Variants in ANK3 observed in about 807,000 individuals in gnomAD.
ANK3 encodes ankyrin-3.
In ANK3, 57 loss-of-function variants were observed where a neutral mutation model predicts 370.9. That is an observed-to-expected ratio of 0.15 (90% confidence interval 0.12 to 0.19). ANK3 has a LOEUF of 0.19. Ranked by LOEUF, ANK3 falls within the 10% of genes least tolerant of loss-of-function variation. The pLI is 1.00. For synonymous variants in ANK3, 1,929 were observed against 1,946.3 expected (o/e 0.99, Z 0.23); for missense variants, 4,439 against 5,302.1 (o/e 0.84, Z 5.06).
chr10:60,715,537 A>C (rs1264354437), intron 1 of ANK3, among the ~76,000 whole-genome samples: 1 of 152,200 alleles, frequency 6.6e-6, no homozygotes, highest in East Asian at 1.9e-4. Flanking sequence ...GAATATACAA[A>C]GAGAACAATT....
intron 1 of ANK3, among the ~76,000 whole-genome samples, chr10:60,696,477 G>A (rs1021827926): frequency 5.3e-5 from 8 of 151,464 alleles, no homozygotes; most frequent in African/African-American, 1.7e-4. Flanking sequence ...CAATATCCTT[G>A]ATGAACATTG....
chr10:60,480,481 T>C (rs968274376), intron 2 of ANK3, among the ~76,000 whole-genome samples: 1 of 151,872 alleles, frequency 6.6e-6, no homozygotes, highest in African/African-American at 2.4e-5. Flanking sequence ...GAAAAAGGGA[T>C]GTGAAAGCTA....
intron 2 of ANK3, among the ~76,000 whole-genome samples, chr10:60,598,636 A>G (rs2078020237): frequency 1.3e-5 from 2 of 152,172 alleles, no homozygotes; most frequent in East Asian, 1.9e-4. Flanking sequence ...GCTTTGTAAA[A>G]CCCTTTATCA....
Position 60,709,933 on chromosome 10 carries a change from C to T in ANK3, c.57+23330G>A, listed in dbSNP as rs534205656. Among the ~76,000 whole-genome samples, 12 of 152,166 alleles carry T rather than the reference C, an allele frequency of 7.9e-5. No individual in the cohort carries two copies. In the East Asian group the frequency reaches 2.1e-3, roughly 27 times the overall value. ...ATCATAGGTTTACAACATCTGTTTA[C>T]AAGATGAATCATCTGTCTGAAATGA... On this transcript the variant is annotated intron_variant, in intron 1 of 43. Transcript: ENST00000373827.
At chr10:60,732,313 T>C (rs951136079) in intron 1 of ANK3, among the ~76,000 whole-genome samples, 1 of 152,168 alleles carries the variant, frequency 6.6e-6, no homozygotes, top group Non-Finnish European at 1.5e-5. Flanking sequence ...CCCTAGCCAT[T>C]CTATGCAAAT....
At chr10:60,227,077 G>A (rs143427986) in intron 8 of ANK3, among the ~76,000 whole-genome samples, 7 of 151,482 alleles carry the variant, frequency 4.6e-5, no homozygotes, top group East Asian at 1.9e-4. Context: ...ATTTTAGTTC[G>A]TCTGGGCCTG....
intron 1 of ANK3, among the ~76,000 whole-genome samples, chr10:60,634,461 GGACCAATCGGCACTCTGTAAAACA>G: frequency 6.6e-6 from 1 of 152,168 alleles, no homozygotes; most frequent in South Asian, 2.1e-4. Flanking sequence ...GATTGTAAAC[GGACCAATCGGCACTCTGTAAAACA>G]GACCAATCAG....
At chr10:60,412,757 G>A (rs1268185071) in intron 2 of ANK3, among the ~76,000 whole-genome samples, 4 of 151,952 alleles carry the variant, frequency 2.6e-5, no homozygotes, top group Non-Finnish European at 5.9e-5. Flanking sequence ...AGCACAGAGA[G>A]AATGTGCAAC....
chr10:60,421,126 T>C (rs1359224233), intron 2 of ANK3, among the ~76,000 whole-genome samples: 2 of 152,034 alleles, frequency 1.3e-5, no homozygotes, highest in African/African-American at 2.4e-5. Flanking sequence ...ATAAAATACC[T>C]AGACTAGGCA....
Position 60,664,184 on chromosome 10 carries a change from T to A in ANK3, c.58-48960A>T, listed in dbSNP as rs1444904350. Among the ~76,000 whole-genome samples the A allele has an allele frequency of 2.6e-5, 4 of 152,230 alleles. No homozygotes were observed. In the East Asian group the frequency reaches 5.8e-4, roughly 22 times the overall value. ...ATCTGATCCAGCACTTCCAAGAATT[T>A]CTAGATGGTTCGGATGAATAAAGAA... On this transcript the variant is annotated intron_variant, in intron 1 of 43. Coordinates refer to the ANK3 transcript ENST00000373827.
chr10:60,658,924 A>AAGGAG (rs1364141943), intron 1 of ANK3, among the ~76,000 whole-genome samples: 2 of 151,340 alleles, frequency 1.3e-5, no homozygotes, highest in African/African-American at 4.8e-5. Flanking sequence ...AAGGAAAGGA[A>AAGGAG]AGGAAAAAAG....
chr10:60,703,797 G>A (rs1210131732), intron 1 of ANK3, among the ~76,000 whole-genome samples: 1 of 152,108 alleles, frequency 6.6e-6, no homozygotes, highest in Non-Finnish European at 1.5e-5. Context: ...GGTAACCACT[G>A]TTTTGAATTT....
intron 1 of ANK3, among the ~76,000 whole-genome samples, chr10:60,280,812 G>A (rs569708887): frequency 4.6e-5 from 7 of 152,258 alleles, no homozygotes; most frequent in African/African-American, 1.2e-4. Flanking sequence ...TGTTCATGCC[G>A]CCTCATCTGT....
chr10:60,400,433 C>G (rs1418564063), intron 2 of ANK3, among the ~76,000 whole-genome samples: 3 of 152,098 alleles, frequency 2.0e-5, no homozygotes, highest in Admixed American at 2.0e-4. Context: ...AAAAGAATTG[C>G]CCCACTTTAT....
rs115665734 is a variant in ANK3 at position 60,295,793 on chromosome 10, A to G, written c.115-16154T>C. 5.8e-3 allele frequency among the ~76,000 whole-genome samples: 876 copies of G among 152,344 alleles called. 7 individuals are homozygous for G. The highest frequency in any genetic ancestry group is 0.02 in the African/African-American group (841 of 41,582). On this transcript the variant is annotated intron_variant, in intron 1 of 43. Coordinates refer to ENST00000280772, the MANE Select transcript of ANK3 (RefSeq NM_020987.5). ...ATCATTAATTTATTTTAAATTAACA[A>G]TGGCAATCTTGTTACATGCTAACTT...
intron 42 of ANK3, among the ~76,000 whole-genome samples, chr10:60,054,598 C>CTGCAGAAGGGAATAGGAAAGGATGTGAT (rs1317883713): frequency 6.6e-6 from 1 of 152,190 alleles, no homozygotes; most frequent in Admixed American, 6.5e-5. Flanking sequence ...CAGATATTGT[C>CTGCAGAAGGGAATAGGAAAGGATGTGAT]TGCAGAAGGG....
In ANK3 at chr10:60,537,308, CA is replaced by C. The variant is rs562124066; in HGVS notation, c.96+77877del. The stretch of plus-strand genomic sequence containing the variant: ...AAAATATAAAAAAGGATGTGTTAAA[CA>C]ATTCAGCAATTTAATGTGATGCATA... On this transcript the variant is annotated intron_variant, in intron 2 of 43. Transcript: ENST00000373827. Among the ~76,000 whole-genome samples the C allele has an allele frequency of 1.7e-4, 26 of 152,068 alleles. No homozygotes were observed. In the East Asian group the frequency reaches 5.0e-3, roughly 29 times the overall value.
chr10:60,715,775 G>A (rs751478131), intron 1 of ANK3, among the ~76,000 whole-genome samples: 2 of 151,874 alleles, frequency 1.3e-5, no homozygotes, highest in East Asian at 1.9e-4. Flanking sequence ...TTTGTTCTAC[G>A]ATTTTTTTTA....
At chr10:60,242,818 C>T (rs545354865) in intron 7 of ANK3, among the ~76,000 whole-genome samples, 9 of 152,166 alleles carry the variant, frequency 5.9e-5, no homozygotes, top group East Asian at 5.8e-4. Flanking sequence ...GAAGTACTAT[C>T]GAATGTTTTT....
Sources: gnomAD v4.1 joint callset for allele counts (sites outside exome capture counted in the v4.1 genomes callset) on GRCh38, gnomAD v4.1.1 for gene constraint, MANE v1.5 for transcripts, NCBI Gene and HGNC (gene_info 2026-07-23, HGNC 2026-07-21) for gene names.